The following GRIN2A variants were observed in gnomAD, a reference collection of about 807,000 sequenced individuals.
GRIN2A encodes the protein glutamate ionotropic receptor NMDA type subunit 2A.
In GRIN2A, 22 loss-of-function variants were observed where a neutral mutation model predicts 113.4. The observed-to-expected ratio is 0.19, with a 90% confidence interval of 0.14 to 0.28. The LOEUF (loss-of-function observed/expected upper bound fraction) is 0.28, where lower values mean the gene tolerates loss of function less well. GRIN2A is among the 10% of genes least tolerant of loss of function. The pLI is 1.00. For missense variants in GRIN2A, 1,502 were observed against 1,887.0 expected, an observed-to-expected ratio of 0.80 and a Z score of 3.78; for synonymous variants, 827 against 738.4, an observed-to-expected ratio of 1.12 and a Z score of -1.94.
At chr16:9,899,295 C>T (rs960063225) in intron 3 of GRIN2A, among the ~76,000 whole-genome samples, 9 of 151,696 alleles carry the variant, frequency 5.9e-5, no homozygotes, top group Non-Finnish European at 1.3e-4. Context: ...CAAAAATTAG[C>T]CAAGCGTAGT....
chr16:9,763,583 C>G lies in GRIN2A; in HGVS notation c.3961G>C (p.Glu1321Gln), dbSNP rs370754278. Residue 1321 changes from glutamate (E) to glutamine (Q), a missense_variant, in exon 13 of 13, where the codon GAG becomes CAG. By Grantham distance (29) the Glu-to-Gln change is conservative (BLOSUM62 2). Coordinates refer to ENST00000330684, the MANE Select transcript of GRIN2A (RefSeq NM_001134407.3). ...AACAGGCTGCCGTAAAAATTTCCCT[C>G]CAGAAGCCGTTCCCTGTCCTTGAGG... Reference protein sequence around the residue: ...ISLKDRERLLEGNFYGSLFSV... With the variant: ...ISLKDRERLLQGNFYGSLFSV... 21 of 1,613,808 alleles carry G rather than the reference C, an allele frequency of 1.3e-5. No individual in the cohort carries two copies. In the Admixed American group the frequency reaches 1.7e-4, roughly 13 times the overall value.
intron 2 of GRIN2A, among the ~76,000 whole-genome samples, chr16:9,968,435 T>C (rs1194027112): frequency 6.6e-6 from 1 of 152,118 alleles, no homozygotes; most frequent in Non-Finnish European, 1.5e-5. Context: ...TGCCTCAGCC[T>C]CCCAAGTAGC....
At chr16:9,979,731 C>T (rs1015486551) in intron 2 of GRIN2A, among the ~76,000 whole-genome samples, 2 of 147,562 alleles carry the variant, frequency 1.4e-5, no homozygotes, top group African/African-American at 5.0e-5. Context: ...AATGACTGTA[C>T]TAGAAAACGC....
intron 2 of GRIN2A, among the ~76,000 whole-genome samples, chr16:10,076,309 C>CA (rs1452488464): frequency 6.6e-6 from 1 of 152,102 alleles, no homozygotes; most frequent in Non-Finnish European, 1.5e-5. Context: ...GGCCTTGACC[C>CA]AAAAACCATC....
chr16:9,972,533 T>C (rs1374430067), intron 2 of GRIN2A, among the ~76,000 whole-genome samples: 1 of 151,206 alleles, frequency 6.6e-6, no homozygotes, highest in African/African-American at 2.4e-5. Flanking sequence ...AATATGCTCA[T>C]CACAAAGAAA....
At chr16:9,886,040 G>C (rs2043580142) in intron 4 of GRIN2A, among the ~76,000 whole-genome samples, 1 of 152,240 alleles carries the variant, frequency 6.6e-6, no homozygotes, top group East Asian at 1.9e-4. Flanking sequence ...TGGCCTCCTT[G>C]TGTACCAGCT....
chr16:10,058,475 C>G (rs952285218), intron 2 of GRIN2A, among the ~76,000 whole-genome samples: 1 of 151,730 alleles, frequency 6.6e-6, no homozygotes, highest in Non-Finnish European at 1.5e-5. Flanking sequence ...AATAATTTGG[C>G]AAAAGTAAAT....
chr16:9,854,026 A>G (rs180777234), intron 4 of GRIN2A, among the ~76,000 whole-genome samples: 2 of 152,316 alleles, frequency 1.3e-5, no homozygotes, highest in East Asian at 3.9e-4. Context: ...TTCCCAGTCT[A>G]CCAGGAATTT....
intron 4 of GRIN2A, among the ~76,000 whole-genome samples, chr16:9,866,172 A>G (rs566554532): frequency 1.4e-4 from 22 of 152,344 alleles, no homozygotes; most frequent in African/African-American, 4.1e-4. Flanking sequence ...TAATCATACA[A>G]TAAAACAGAA....
At chr16:9,889,887 G>A (rs953968418) in intron 4 of GRIN2A, among the ~76,000 whole-genome samples, 1 of 152,076 alleles carries the variant, frequency 6.6e-6, no homozygotes, top group African/African-American at 2.4e-5. Flanking sequence ...GTCTACTTTG[G>A]TGGATTTCCC....
intron 7 of GRIN2A, among the ~76,000 whole-genome samples, chr16:9,835,780 A>G (rs1433896899): frequency 6.6e-6 from 1 of 152,240 alleles, no homozygotes. Context: ...ACACAGCTAG[A>G]GGTCACCACA....
chr16:9,768,816 T>A (rs1901078432), intron 12 of GRIN2A, 35 bp downstream of exon 12: 1 of 1,425,394 alleles, frequency 7.0e-7, no homozygotes, highest in Middle Eastern at 1.7e-4. Context: ...TAAACCTGCT[T>A]GCAGTGCAAG....
At chr16:9,943,704 A>G (rs1240471142) in intron 2 of GRIN2A, among the ~76,000 whole-genome samples, 1 of 152,200 alleles carries the variant, frequency 6.6e-6, no homozygotes, top group African/African-American at 2.4e-5. Flanking sequence ...ACATGGCCCC[A>G]TGGTGATGGC....
At chr16:10,002,749 A>G (rs187655366) in intron 2 of GRIN2A, among the ~76,000 whole-genome samples, 37 of 152,328 alleles carry the variant, frequency 2.4e-4, no homozygotes, top group Non-Finnish European at 1.3e-4. Flanking sequence ...CTCTTTCAGT[A>G]TTTCAAGACA....
chr16:9,894,343 C>A (rs1041641288), intron 3 of GRIN2A, among the ~76,000 whole-genome samples: 4 of 152,170 alleles, frequency 2.6e-5, no homozygotes, highest in African/African-American at 9.7e-5. Context: ...GAGTGATATA[C>A]TCAGATTTGC....
At chr16:10,004,126 C>T (rs1222852463) in intron 2 of GRIN2A, among the ~76,000 whole-genome samples, 1 of 152,076 alleles carries the variant, frequency 6.6e-6, no homozygotes, top group Non-Finnish European at 1.5e-5. Context: ...CATGGTGGCT[C>T]ACACCTGTAA....
chr16:9,803,458 C>A (rs2041905945), intron 10 of GRIN2A, among the ~76,000 whole-genome samples: 1 of 151,866 alleles, frequency 6.6e-6, no homozygotes, highest in South Asian at 2.1e-4. Context: ...ACAATATTTG[C>A]CCTTAGAGGG....
At chr16:10,105,136 A>T (rs1368556229) in intron 2 of GRIN2A, among the ~76,000 whole-genome samples, 1 of 125,364 alleles carries the variant, frequency 8.0e-6, no homozygotes, top group Non-Finnish European at 1.7e-5. Context: ...TTCTCTAGAG[A>T]TGGAAGCCTG....
chr16:9,812,404 C>T (rs113277933), intron 10 of GRIN2A, among the ~76,000 whole-genome samples: 264 of 152,188 alleles, frequency 1.7e-3, no homozygotes, highest in African/African-American at 5.9e-3. Flanking sequence ...TTTGGGAGGC[C>T]GAGGTGGGAG....
Sources: gnomAD v4.1 joint callset for allele counts (sites outside exome capture counted in the v4.1 genomes callset) on GRCh38, gnomAD v4.1.1 for gene constraint, MANE v1.5 for transcripts, NCBI Gene and HGNC (gene_info 2026-07-23, HGNC 2026-07-21) for gene names.